LNX2: variants seen among roughly 807,000 people sequenced by gnomAD.
The protein encoded by LNX2 is ligand of numb-protein X 2, also known as ligand of Numb protein X 2.
A neutral mutation model predicts 66.2 loss-of-function variants in LNX2; 35 were observed. The ratio of observed to expected loss-of-function variants is 0.53; its 90% CI spans 0.40 to 0.70. LNX2 has a LOEUF of 0.70. Among genes scored for constraint, LNX2 ranks in the 30% least tolerant of loss-of-function variants. The probability of loss-of-function intolerance (pLI) is 0.00; values close to 1 mark genes in which losing one functional copy is unlikely to be tolerated. For missense variants in LNX2, 791 were observed against 850.8 expected (o/e 0.93, Z 0.87); for synonymous variants, 337 against 315.6 (o/e 1.07, Z -0.72).
At position 27,581,434 on chromosome 13, in the gene LNX2, T is replaced by A; in HGVS notation, c.270A>T (p.Arg90Ser). The change falls in exon 2 of 10, where the codon AGA becomes AGT. Residue 90 changes from arginine (R) to serine (S), a missense_variant. Coordinates refer to ENST00000316334, the MANE Select transcript of LNX2 (RefSeq NM_153371.4). ...EKDFCPLDRK[R>S]LHFKLCKKSS... ...ACTTCTTGCACAACTTAAAATGAAGTCTTTTCCGGTCCAACGGACAGAAAT... is the reference window on the plus strand; with the variant it reads ...ACTTCTTGCACAACTTAAAATGAAGACTTTTCCGGTCCAACGGACAGAAAT... 1 of 1,609,930 alleles carries A rather than the reference T, an allele frequency of 6.2e-7. No homozygotes were observed. Among genetic ancestry groups the A allele is most frequent in the Non-Finnish European group, 8.5e-7 (1 of 1,176,880 alleles).
At chr13:27,571,190 T>C (rs1052865936) in intron 2 of LNX2, among the ~76,000 whole-genome samples, 7 of 152,106 alleles carry the variant, frequency 4.6e-5, no homozygotes, top group Non-Finnish European at 8.8e-5. Flanking sequence ...ATTGAACAAC[T>C]AGACAGAAGG....
chr13:27,583,225 T>TC (rs1955431465), intron 1 of LNX2, among the ~76,000 whole-genome samples: 1 of 20,740 alleles, frequency 4.8e-5, no homozygotes, highest in African/African-American at 1.8e-4. Flanking sequence ...TGTGTGTGTG[T>TC]GTGTGTGTGT....
chr13:27,588,216 C>T (rs553156073), intron 1 of LNX2, among the ~76,000 whole-genome samples: 3 of 152,218 alleles, frequency 2.0e-5, no homozygotes, highest in Non-Finnish European at 4.4e-5. Flanking sequence ...AACTTGTGCA[C>T]GAATGTTTCT....
intron 1 of LNX2, among the ~76,000 whole-genome samples, chr13:27,608,045 G>A (rs1416014744): frequency 6.6e-6 from 1 of 151,342 alleles, no homozygotes; most frequent in African/African-American, 2.4e-5. Context: ...CATGAGAACA[G>A]AGATCCCACC....
rs140044492 is a variant in LNX2 at position 27,609,742 on chromosome 13, G to C, written c.-101+10633C>G. Among the ~76,000 whole-genome samples, 479 of 152,176 alleles carry C rather than the reference G, an allele frequency of 3.1e-3. 2 individuals are homozygous for C. The highest frequency in any genetic ancestry group is 0.011 in the African/African-American group (456 of 41,508). Reference sequence around the variant, plus strand: ...TACCATCCTTCTACATTCTGCAAAAGGGATTCATTAAAAGTTTTTAATCCT... The same window carrying C: ...TACCATCCTTCTACATTCTGCAAAACGGATTCATTAAAAGTTTTTAATCCT... On this transcript the variant is annotated intron_variant, in intron 1 of 9. Transcript: ENST00000316334.
At chr13:27,617,292 T>C (rs975378871) in intron 1 of LNX2, among the ~76,000 whole-genome samples, 2 of 152,170 alleles carry the variant, frequency 1.3e-5, no homozygotes, top group African/African-American at 4.8e-5. Context: ...GATACATATG[T>C]ATTACTTTTT....
chr13:27,604,855 ATT>A (rs34254877), intron 1 of LNX2, among the ~76,000 whole-genome samples: 32 of 138,340 alleles, frequency 2.3e-4, no homozygotes, highest in Non-Finnish European at 2.0e-4. Flanking sequence ...TTTCTATTTA[ATT>A]TTTTTTTTTT....
chr13:27,618,932 A>G (rs987465452), intron 1 of LNX2, among the ~76,000 whole-genome samples: 5 of 152,248 alleles, frequency 3.3e-5, no homozygotes, highest in African/African-American at 1.2e-4. Flanking sequence ...ATGCTCCCTA[A>G]GTTCAAATTA....
intron 2 of LNX2, among the ~76,000 whole-genome samples, chr13:27,578,566 A>G (rs1408598166): frequency 6.6e-6 from 1 of 152,194 alleles, no homozygotes; most frequent in Non-Finnish European, 1.5e-5. Context: ...TGCTTCCAAC[A>G]GAGAAGGGAT....
At chr13:27,618,447 T>C (rs1401398943) in intron 1 of LNX2, among the ~76,000 whole-genome samples, 1 of 152,108 alleles carries the variant, frequency 6.6e-6, no homozygotes, top group Non-Finnish European at 1.5e-5. Context: ...ACCCCTCCAT[T>C]AGAACAGCCT....
upstream of LNX2, among the ~76,000 whole-genome samples, chr13:27,620,575 T>C (rs1248718577): frequency 6.6e-6 from 1 of 152,116 alleles, no homozygotes; most frequent in African/African-American, 2.4e-5. Context: ...CAACCGCCCC[T>C]GCTGCCTTCC....
chr13:27,602,267 T>A (rs903960059), intron 1 of LNX2, among the ~76,000 whole-genome samples: 4 of 152,144 alleles, frequency 2.6e-5, no homozygotes, highest in Non-Finnish European at 5.9e-5. Flanking sequence ...TAAGTCTACA[T>A]TAATTAAGCT....
At chr13:27,555,006 A>G (rs1033549277) in intron 7 of LNX2, among the ~76,000 whole-genome samples, 2 of 152,192 alleles carry the variant, frequency 1.3e-5, no homozygotes, top group African/African-American at 4.8e-5. Context: ...GCTGGAGTAC[A>G]GTGGCATGAT....
intron 2 of LNX2, among the ~76,000 whole-genome samples, chr13:27,575,538 T>C (rs1367663718): frequency 3.9e-5 from 6 of 152,204 alleles, no homozygotes; most frequent in Admixed American, 3.3e-4. Context: ...CCTGCCTTAC[T>C]GCTTGAGTTG....
intron 6 of LNX2, among the ~76,000 whole-genome samples, chr13:27,558,363 A>G (rs1433074051): frequency 1.3e-5 from 2 of 152,062 alleles, no homozygotes; most frequent in Non-Finnish European, 2.9e-5. Flanking sequence ...CACTATTTAG[A>G]ACATTGTCAT....
chr13:27,559,786 C>T, intron 6 of LNX2, 56 bp downstream of exon 6: 1 of 1,427,034 alleles, frequency 7.0e-7, no homozygotes, highest in Non-Finnish European at 9.3e-7. Context: ...TTAAATCTTA[C>T]CAGCTTGTAA....
At position 27,567,782 on chromosome 13, in the gene LNX2, C is replaced by T. The variant is rs762940510; in HGVS notation, c.713G>A (p.Arg238Gln). 3.7e-6 allele frequency: 6 copies of T among 1,613,780 alleles called. No homozygotes were observed. The highest frequency in any genetic ancestry group is 1.7e-5 in the Admixed American group (1 of 59,950). ...TCCTAACTGAATGTAAGGATTGGACCGATGAATTTCAATCGTGGTGATTTC... is the reference window on the plus strand; with the variant it reads ...TCCTAACTGAATGTAAGGATTGGACTGATGAATTTCAATCGTGGTGATTTC... ...EGEITTIEIH[R>Q]SNPYIQLGIS... The change falls in exon 4 of 10, where the codon CGG becomes CAG. Residue 238 changes from arginine (R) to glutamine (Q), a missense_variant. Arg to Gln is a conservative substitution (Grantham distance 43). Transcript: ENST00000316334.
chr13:27,550,446 C>T lies in LNX2; in HGVS notation c.1824G>A (p.Leu608=). The change falls in exon 9 of 10, where the codon TTG becomes TTA. Residue 608 remains leucine, a synonymous_variant. Coordinates refer to ENST00000316334, the MANE Select transcript of LNX2 (RefSeq NM_153371.4). ...CAACGATACTAAAGCCCCAACTTCCCAAGTAACTTCTTCGTAAAACTATAT... is the reference window on the plus strand; with the variant it reads ...CAACGATACTAAAGCCCCAACTTCCTAAGTAACTTCTTCGTAAAACTATAT... ...CHDIVLRRSY[L]GSWGFSIVGG... 1 of 1,614,006 alleles carries T rather than the reference C, an allele frequency of 6.2e-7. No individual in the cohort carries two copies. Among genetic ancestry groups the T allele is most frequent in the Non-Finnish European group, 8.5e-7 (1 of 1,179,952 alleles).
chr13:27,580,283 T>C (rs1422198135), intron 2 of LNX2, among the ~76,000 whole-genome samples: 1 of 152,096 alleles, frequency 6.6e-6, no homozygotes, highest in Non-Finnish European at 1.5e-5. Context: ...TGTGACTCAG[T>C]CTCCTTATTC....
Sources: allele counts gnomAD v4.1 joint callset (sites outside exome capture counted in the v4.1 genomes callset), GRCh38; gene constraint gnomAD v4.1.1; transcripts MANE v1.5; gene names NCBI Gene and HGNC (gene_info 2026-07-23, HGNC 2026-07-21).